Variants in WRN observed in about 807,000 individuals in gnomAD.
The protein encoded by WRN is WRN RecQ like helicase, also known as bifunctional 3'-5' exonuclease/ATP-dependent helicase WRN.
In WRN, 149 loss-of-function variants were observed where a neutral mutation model predicts 180.7. The observed-to-expected ratio is 0.82, with a 90% CI of 0.72 to 0.94. The LOEUF (loss-of-function observed/expected upper bound fraction) is 0.94. Among genes scored for constraint, WRN ranks in the 40% least tolerant of loss-of-function variants. WRN has a pLI of 0.00. For synonymous variants in WRN, 548 were observed against 568.9 expected (o/e 0.96, Z 0.52); for missense variants, 1,661 against 1,700.1 (o/e 0.98, Z 0.40).
intron 17 of WRN, 126 bp downstream of exon 17, chr8:31,096,976 T>A: frequency 1.1e-6 from 1 of 884,862 alleles, no homozygotes; most frequent in Non-Finnish European, 1.8e-6. Flanking sequence ...CCAGGAAATC[T>A]CTGACTCTCT....
rs1345122001 is a variant in WRN at position 31,139,245 on chromosome 8, C to A, written c.2968-2185C>A. 5.3e-5 allele frequency among the ~76,000 whole-genome samples: 8 copies of A among 152,184 alleles called. No individual in the cohort carries two copies. In the East Asian group the frequency reaches 1.5e-3, roughly 29 times the overall value. On this transcript the variant is annotated intron_variant, in intron 24 of 34. Transcript: ENST00000298139. Reference sequence around the variant, plus strand: ...TTTGCTGCAACTCATTTTATATATTCTTTTAATTTTGATCCCTGGATTTTT... The same window carrying A: ...TTTGCTGCAACTCATTTTATATATTATTTTAATTTTGATCCCTGGATTTTT...
intron 24 of WRN, among the ~76,000 whole-genome samples, chr8:31,140,389 A>G (rs185825979): frequency 1.3e-5 from 2 of 152,320 alleles, no homozygotes; most frequent in Admixed American, 1.3e-4. Context: ...GTAAGAGAAC[A>G]AAGTGAATGA....
At chr8:31,040,816 G>A (rs1018845025) in intron 1 of WRN, among the ~76,000 whole-genome samples, 1 of 152,168 alleles carries the variant, frequency 6.6e-6, no homozygotes, top group African/African-American at 2.4e-5. Flanking sequence ...TTAGCCAAAA[G>A]TTGAGTTTTT....
intron 23 of WRN, among the ~76,000 whole-genome samples, chr8:31,127,271 G>A (rs902101187): frequency 3.3e-5 from 5 of 152,128 alleles, no homozygotes; most frequent in African/African-American, 9.7e-5. Flanking sequence ...GAGGGAGAAG[G>A]TATGATTCCA....
rs988365292 is a variant in WRN at position 31,150,406 on chromosome 8, C to T, written c.3638C>T (p.Ala1213Val). 3 of 1,613,962 alleles carry T rather than the reference C, an allele frequency of 1.9e-6. No individual in the cohort carries two copies. Among genetic ancestry groups the T allele is most frequent in the Non-Finnish European group, 2.5e-6 (3 of 1,180,022 alleles). The change falls in exon 31 of 35, where the codon GCC becomes GTC. Residue 1213 changes from alanine to valine, a missense_variant. Coordinates refer to ENST00000298139, the MANE Select transcript of WRN (RefSeq NM_000553.6). ...GVSEGKAAML[A>V]PLLEVIKHFC... Reference sequence around the variant, plus strand: ...TCTGAAGGCAAAGCTGCCATGTTGGCCCCTCTGTTGGAAGTCATCAAACAT... The same window carrying T: ...TCTGAAGGCAAAGCTGCCATGTTGGTCCCTCTGTTGGAAGTCATCAAACAT...
intron 17 of WRN, among the ~76,000 whole-genome samples, chr8:31,098,430 T>C (rs1387843961): frequency 6.6e-6 from 1 of 152,196 alleles, no homozygotes; most frequent in Non-Finnish European, 1.5e-5. Context: ...GTTAGAACTC[T>C]CTATTTTTGT....
rs368092248 is a variant in WRN, at chr8:31,109,316, A to G, written c.2089-2299A>G. Reference sequence around the variant, plus strand: ...CTATTAATTTTTAATATAGTCTGATACTTTATTTTCTAATTGTAGAAGCAA... The same window carrying G: ...CTATTAATTTTTAATATAGTCTGATGCTTTATTTTCTAATTGTAGAAGCAA... On this transcript the variant is annotated intron_variant, in intron 18 of 34. Coordinates refer to ENST00000298139, the MANE Select transcript of WRN (RefSeq NM_000553.6). Among the ~76,000 whole-genome samples, 45 of 152,330 alleles carry G rather than the reference A, an allele frequency of 3.0e-4. No homozygotes were observed. In the East Asian group the frequency reaches 6.9e-3, roughly 24 times the overall value.
Position 31,050,509 on chromosome 8 carries a change from C to CTT in WRN, c.-76-7846_-76-7845dup, listed in dbSNP as rs60531883. 2.4e-4 allele frequency among the ~76,000 whole-genome samples: 32 copies of CTT among 133,142 alleles called. 2 individuals are homozygous for CTT. In the East Asian group the frequency reaches 3.9e-3, roughly 16 times the overall value. The allele number at this position is 133,142 out of a possible 152,430, so 87.3% of individuals were successfully genotyped here. ...CTCTTTGTCTTCTAAGTTTTGGATA[C>CTT]TTTTTTTTTTTTTTTTTTGACACAA... is the stretch of plus-strand genomic sequence containing the variant. On this transcript the variant is annotated intron_variant, in intron 1 of 34. Coordinates refer to ENST00000298139, the MANE Select transcript of WRN (RefSeq NM_000553.6).
At chr8:31,171,176 A>G (rs534505418) in intron 34 of WRN, 2 of 152,282 alleles carry the variant, frequency 1.3e-5, no homozygotes, top group Non-Finnish European at 2.9e-5. Flanking sequence ...GTGCTACTCC[A>G]TGGTATTAGG....
At chr8:31,161,979 C>T (rs1803640970) in intron 33 of WRN, among the ~76,000 whole-genome samples, 1 of 152,086 alleles carries the variant, frequency 6.6e-6, no homozygotes, top group Non-Finnish European at 1.5e-5. Flanking sequence ...CTGTGCACTG[C>T]TGTAGACTTT....
At chr8:31,124,453 A>T in intron 21 of WRN, 69 bp from the exon 22 acceptor site, 1 of 1,204,190 alleles carries the variant, frequency 8.3e-7, no homozygotes, top group Non-Finnish European at 1.2e-6. Flanking sequence ...AGTAAAAAAT[A>T]AGTAAAAAAA....
intron 16 of WRN, among the ~76,000 whole-genome samples, chr8:31,096,227 G>A (rs888044380): frequency 6.6e-6 from 1 of 152,314 alleles, no homozygotes; most frequent in Admixed American, 6.5e-5. Context: ...TGAATGGACA[G>A]GTGAATGCTT....
chr8:31,111,516 C>A, intron 18 of WRN, 99 bp from the exon 19 acceptor site: 1 of 1,429,790 alleles, frequency 7.0e-7, no homozygotes, highest in Non-Finnish European at 9.7e-7. Flanking sequence ...CATTGTACCA[C>A]AAACTGTTGT....
At chr8:31,128,736 G>A (rs545499343) in intron 23 of WRN, among the ~76,000 whole-genome samples, 3 of 152,276 alleles carry the variant, frequency 2.0e-5, no homozygotes, top group African/African-American at 4.8e-5. Flanking sequence ...GCGAGTGCCT[G>A]TAGTCCCAGC....
chr8:31,174,156 T>C lies in WRN; in HGVS notation c.*1054T>C, dbSNP rs960977437. On this transcript the variant is annotated 3_prime_UTR_variant, in exon 35 of 35. Transcript: ENST00000298139. ...TTTTAGTTAAAATATAAAAGTCTCG[T>C]ATATTCCCATTTTTCTGCATTGCAT... 6.6e-6 allele frequency among the ~76,000 whole-genome samples: 1 copy of C among 152,242 alleles called. No individual in the cohort carries two copies. The highest frequency in any genetic ancestry group is 1.5e-5 in the Non-Finnish European group (1 of 68,042).
chr8:31,121,576 A>G (rs1801727512), intron 21 of WRN, among the ~76,000 whole-genome samples: 1 of 151,992 alleles, frequency 6.6e-6, no homozygotes, highest in Non-Finnish European at 1.5e-5. Flanking sequence ...ATCATGCAAC[A>G]TATTTAAAAT....
chr8:31,110,910 T>A (rs1359553190), intron 18 of WRN, among the ~76,000 whole-genome samples: 4 of 152,200 alleles, frequency 2.6e-5, no homozygotes, highest in Admixed American at 2.6e-4. Context: ...GTTGTTACCG[T>A]ACCTTAGAAT....
chr8:31,111,860 TA>T, intron 19 of WRN, 61 bp downstream of exon 19: 3 of 1,544,302 alleles, frequency 1.9e-6, no homozygotes, highest in Non-Finnish European at 1.8e-6. Flanking sequence ...TTTAACAACT[TA>T]TGTATTTTAT....
chr8:31,049,882 T>C (rs574499192), intron 1 of WRN, among the ~76,000 whole-genome samples: 1 of 152,112 alleles, frequency 6.6e-6, no homozygotes, highest in African/African-American at 2.4e-5. Context: ...TGTGTATTGC[T>C]GTTTATCTTT....
Sources: gnomAD v4.1 joint callset for allele counts (sites outside exome capture counted in the v4.1 genomes callset) on GRCh38, gnomAD v4.1.1 for gene constraint, MANE v1.5 for transcripts, NCBI Gene and HGNC (gene_info 2026-07-23, HGNC 2026-07-21) for gene names.